Variants in RIMS4 observed in about 807,000 individuals in gnomAD.
The protein encoded by RIMS4 is regulating synaptic membrane exocytosis 4.
RIMS4 carries 9 observed loss-of-function variants against 29.0 expected under a neutral mutation model. The ratio of observed to expected loss-of-function variants is 0.31; its 90% CI spans 0.19 to 0.54. The LOEUF (loss-of-function observed/expected upper bound fraction) is 0.54. RIMS4 is among the 20% of genes least tolerant of loss of function. RIMS4 has a pLI of 0.94. For synonymous variants in RIMS4, 130 were observed against 152.9 expected (o/e 0.85, Z 1.10); for missense variants, 193 against 365.7 (o/e 0.53, Z 3.85).
chr20:44,766,466 T>G (rs2066114133), intron 2 of RIMS4, among the ~76,000 whole-genome samples: 1 of 152,062 alleles, frequency 6.6e-6, no homozygotes, highest in Non-Finnish European at 1.5e-5. Flanking sequence ...GGATGGGGAC[T>G]GGGAGAGGCT....
chr20:44,769,990 T>C (rs1601025109), intron 2 of RIMS4, among the ~76,000 whole-genome samples: 1 of 152,242 alleles, frequency 6.6e-6, no homozygotes, highest in African/African-American at 2.4e-5. Flanking sequence ...TAGCCACAAG[T>C]TGCTAGCGAG....
intron 1 of RIMS4, among the ~76,000 whole-genome samples, chr20:44,786,575 G>A (rs1283265426): frequency 6.6e-6 from 1 of 152,178 alleles, no homozygotes; most frequent in African/African-American, 2.4e-5. Flanking sequence ...TCTAGTCTAG[G>A]GTGGAAGACA....
chr20:44,774,106 C>T (rs1325135870), intron 1 of RIMS4, among the ~76,000 whole-genome samples: 2 of 152,080 alleles, frequency 1.3e-5, no homozygotes, highest in Non-Finnish European at 2.9e-5. Context: ...CAACCTCTAC[C>T]ACCTACCCCT....
chr20:44,809,525 T>G (rs1255644033), intron 1 of RIMS4, among the ~76,000 whole-genome samples: 1 of 150,098 alleles, frequency 6.7e-6, no homozygotes, highest in East Asian at 2.0e-4. Flanking sequence ...GGCGGACAAG[T>G]GTAGAGTTGG....
chr20:44,766,560 G>A (rs1289668175), intron 2 of RIMS4, among the ~76,000 whole-genome samples: 7 of 152,176 alleles, frequency 4.6e-5, no homozygotes, highest in Non-Finnish European at 5.9e-5. Flanking sequence ...AGGCAAGAGC[G>A]ATGTATGGCC....
intron 1 of RIMS4, among the ~76,000 whole-genome samples, chr20:44,772,974 G>A (rs34415930): frequency 6.0e-4 from 91 of 152,086 alleles, no homozygotes; most frequent in Non-Finnish European, 9.3e-4. Context: ...ACATGCATGC[G>A]TAGATACAAA....
intron 2 of RIMS4, among the ~76,000 whole-genome samples, chr20:44,763,582 G>A (rs1025656523): frequency 1.3e-5 from 2 of 152,224 alleles, no homozygotes; most frequent in South Asian, 4.1e-4. Flanking sequence ...TTGGACAGGC[G>A]CAAAGCCCTG....
intron 2 of RIMS4, among the ~76,000 whole-genome samples, chr20:44,765,112 C>A (rs1458922212): frequency 6.6e-6 from 1 of 152,138 alleles, no homozygotes; most frequent in Non-Finnish European, 1.5e-5. Context: ...GAAACTGAGG[C>A]ACAGAATTGT....
chr20:44,782,165 G>A (rs1326824393), intron 1 of RIMS4, among the ~76,000 whole-genome samples: 1 of 152,222 alleles, frequency 6.6e-6, no homozygotes, highest in Admixed American at 6.5e-5. Flanking sequence ...ACCTATTGTT[G>A]TAAGGATTAA....
chr20:44,764,191 T>C (rs58130619), intron 2 of RIMS4, among the ~76,000 whole-genome samples: 269 of 10,380 alleles, frequency 0.026, 2 homozygotes, highest in South Asian at 0.05. Context: ...TCCATCCATT[T>C]ATCCATCCAT....
chr20:44,810,273 CCCGCGCCGGCGCCGGGCGCCTCGGCCG>C lies in RIMS4; in HGVS notation c.-29_-3del. The C allele has an allele frequency of 2.5e-6, 3 of 1,189,724 alleles. No homozygotes were observed. Among genetic ancestry groups the C allele is most frequent in the Non-Finnish European group, 3.2e-6 (3 of 941,746 alleles). The allele number at this position is 1,189,724 out of a possible 1,614,324, so 73.7% of individuals were successfully genotyped here. Reference sequence around the variant, plus strand: ...GAGGCGGCTCTGCGAGCGCTCCATGCCCGCGCCGGCGCCGGGCGCCTCGGCCGCGGCGGCGGCGGCGGCGGCGGGCGG... The same window carrying C: ...GAGGCGGCTCTGCGAGCGCTCCATGCCGGCGGCGGCGGCGGCGGCGGGCGG... On this transcript the variant is annotated 5_prime_UTR_variant, in exon 1 of 6. Coordinates refer to ENST00000372851, the MANE Select transcript of RIMS4 (RefSeq NM_182970.4).
intron 1 of RIMS4, among the ~76,000 whole-genome samples, chr20:44,785,683 C>T (rs1364714255): frequency 6.6e-6 from 1 of 152,064 alleles, no homozygotes; most frequent in Non-Finnish European, 1.5e-5. Context: ...CTTTCTGCTC[C>T]TCTCTTGAGC....
intron 1 of RIMS4, among the ~76,000 whole-genome samples, chr20:44,775,739 G>A (rs776755883): frequency 2.0e-5 from 3 of 152,128 alleles, no homozygotes; most frequent in Non-Finnish European, 4.4e-5. Context: ...CTGGTTTGGG[G>A]ACACCTGACC....
intron 1 of RIMS4, among the ~76,000 whole-genome samples, chr20:44,779,917 A>C (rs1057322410): frequency 1.9e-4 from 29 of 152,210 alleles, no homozygotes; most frequent in African/African-American, 6.8e-4. Flanking sequence ...GAAGATTTTG[A>C]GGAAAAAGAT....
intron 2 of RIMS4, among the ~76,000 whole-genome samples, chr20:44,768,982 T>C (rs4810440): frequency 0.1 from 15,816 of 152,190 alleles, 1,246 homozygotes; most frequent in African/African-American, 0.21. Context: ...CCCTCACAAC[T>C]CTGTAAGTGT....
Position 44,754,045 on chromosome 20 carries a change from G to A in RIMS4, c.*2089C>T, listed in dbSNP as rs1201667245. 1 of 152,320 alleles carries A rather than the reference G, an allele frequency of 6.6e-6. No homozygotes were observed. 9.4% of individuals were successfully genotyped at this position (152,320 alleles called of 1,614,324 possible). On this transcript the variant is annotated 3_prime_UTR_variant, in exon 6 of 6. Coordinates refer to ENST00000372851, the MANE Select transcript of RIMS4 (RefSeq NM_182970.4). ...ACCACAGCGGTGATGGCTGGAGAGA[G>A]AAGGCGCTCTCCTGGCTCAAAATAT... is the stretch of plus-strand genomic sequence containing the variant.
chr20:44,787,049 C>T (rs1357911124), intron 1 of RIMS4, among the ~76,000 whole-genome samples: 1 of 152,132 alleles, frequency 6.6e-6, no homozygotes, highest in Admixed American at 6.5e-5. Context: ...TGCTAGAAGG[C>T]AATAAGGGCA....
rs1266128854 is a variant in RIMS4 at position 44,756,682 on chromosome 20, C to T, written c.591+216G>A. Among the ~76,000 whole-genome samples, 1 of 152,166 alleles carries T rather than the reference C, an allele frequency of 6.6e-6. No homozygotes were observed. Among genetic ancestry groups the T allele is most frequent in the East Asian group, 1.9e-4 (1 of 5,178 alleles). ...AGGTACTATTAGGGTCCCCGCTTTA[C>T]AGATGAAGGAACTGAGGGTCAGAAG... On this transcript the variant is annotated intron_variant, in intron 5 of 5. Transcript: ENST00000372851. The surrounding 1 kb of genome is among the most constrained non-coding windows in gnomAD (Gnocchi z 5.9).
chr20:44,799,799 T>C (rs535409313), intron 1 of RIMS4, among the ~76,000 whole-genome samples: 11 of 152,286 alleles, frequency 7.2e-5, no homozygotes, highest in African/African-American at 2.6e-4. Flanking sequence ...AGACCTCCTG[T>C]GAGGCTTCAG....
Sources: gnomAD v4.1 joint callset for allele counts (sites outside exome capture counted in the v4.1 genomes callset) on GRCh38, gnomAD v4.1.1 for gene constraint, Gnocchi (gnomAD v3.1) non-coding constraint, MANE v1.5 for transcripts, NCBI Gene and HGNC (gene_info 2026-07-23, HGNC 2026-07-21) for gene names.